Variants in COLGALT2 observed in about 807,000 individuals in gnomAD.
COLGALT2 encodes the protein collagen beta(1-O)galactosyltransferase 2.
Under a neutral mutation model 73.4 loss-of-function variants are expected in COLGALT2, and 49 were observed. The observed-to-expected ratio is 0.67, with a 90% CI of 0.53 to 0.85. The LOEUF (loss-of-function observed/expected upper bound fraction) is 0.85, where lower values mean the gene tolerates loss of function less well. Ranked by LOEUF, COLGALT2 falls within the 40% of genes least tolerant of loss-of-function variation. The pLI, the probability that COLGALT2 is intolerant of heterozygous loss-of-function variation, is 0.00. For synonymous variants in COLGALT2, 295 were observed against 307.6 expected, an observed-to-expected ratio of 0.96 and a Z score of 0.43; for missense variants, 722 against 790.2, an observed-to-expected ratio of 0.91 and a Z score of 1.03.
chr1:183,985,768 C>T (rs1247498134), intron 1 of COLGALT2, among the ~76,000 whole-genome samples: 1 of 152,098 alleles, frequency 6.6e-6, no homozygotes, highest in African/African-American at 2.4e-5. Context: ...AAATACATTC[C>T]CCAGAGGCTC....
At chr1:183,952,806 A>T (rs1377185578) in intron 7 of COLGALT2, among the ~76,000 whole-genome samples, 1 of 152,216 alleles carries the variant, frequency 6.6e-6, no homozygotes, top group Non-Finnish European at 1.5e-5. Flanking sequence ...TGTAAAAAAC[A>T]TAATTTTCTG....
chr1:184,030,689 A>C (rs765145503), intron 1 of COLGALT2, among the ~76,000 whole-genome samples: 7 of 152,204 alleles, frequency 4.6e-5, no homozygotes, highest in Non-Finnish European at 1.0e-4. Flanking sequence ...GCACATGCTT[A>C]TGTATTTGGA....
In COLGALT2 at chr1:183,945,552, T is replaced by C. The variant is rs199635432; in HGVS notation, c.1149A>G (p.Thr383=). ...VEAVDGKALN[T]SQLKALNIEM... The stretch of plus-strand genomic sequence containing the variant: ...CAATATTCAGTGCCTTCAGCTGGCT[T>C]GTGTTGAGTGCCCTGCATCACATAA... The change falls in exon 9 of 12, where the codon ACA becomes ACG. Residue 383 remains threonine, a synonymous_variant. Coordinates refer to ENST00000361927, the MANE Select transcript of COLGALT2 (RefSeq NM_015101.4). The C allele has an allele frequency of 2.5e-6, 4 of 1,614,158 alleles. No individual in the cohort carries two copies. In the African/African-American group the frequency reaches 5.3e-5, roughly 22 times the overall value.
intron 1 of COLGALT2, among the ~76,000 whole-genome samples, chr1:184,026,706 G>C (rs1173913010): frequency 6.6e-6 from 1 of 152,152 alleles, no homozygotes; most frequent in Non-Finnish European, 1.5e-5. Context: ...GTTTACATTT[G>C]TCACAAATGA....
intron 1 of COLGALT2, among the ~76,000 whole-genome samples, chr1:183,987,281 C>G (rs1278759491): frequency 3.9e-5 from 6 of 152,230 alleles, no homozygotes; most frequent in Non-Finnish European, 7.3e-5. Flanking sequence ...ACCCACTCAT[C>G]ATGGCCCCTT....
intron 1 of COLGALT2, among the ~76,000 whole-genome samples, chr1:184,023,531 G>T (rs112455626): frequency 0.022 from 3,314 of 151,352 alleles, 106 homozygotes; most frequent in African/African-American, 0.07. Flanking sequence ...TTACACAGCA[G>T]ACTGAGCAAA....
At chr1:183,954,473 A>G (rs975621495) in intron 7 of COLGALT2, among the ~76,000 whole-genome samples, 5 of 152,254 alleles carry the variant, frequency 3.3e-5, no homozygotes, top group African/African-American at 9.6e-5. Context: ...AAGGTTGATT[A>G]AAAATATCAC....
chr1:183,957,757 T>A (rs1359986484), intron 6 of COLGALT2, among the ~76,000 whole-genome samples: 1 of 151,426 alleles, frequency 6.6e-6, no homozygotes, highest in African/African-American at 2.4e-5. Flanking sequence ...CATGTAATTT[T>A]ATCTTCACTT....
chr1:184,018,325 C>T (rs1160123202), intron 1 of COLGALT2, among the ~76,000 whole-genome samples: 2 of 152,106 alleles, frequency 1.3e-5, no homozygotes, highest in African/African-American at 2.4e-5. Flanking sequence ...TGGAATACCA[C>T]CTCTTCCCAT....
At chr1:183,947,527 C>T (rs973270514) in intron 8 of COLGALT2, among the ~76,000 whole-genome samples, 3 of 152,040 alleles carry the variant, frequency 2.0e-5, no homozygotes, top group Non-Finnish European at 4.4e-5. Flanking sequence ...GAAGAAATTG[C>T]AAGGGAAATT....
At chr1:183,977,078 G>A (rs1671215817) in intron 2 of COLGALT2, among the ~76,000 whole-genome samples, 1 of 152,178 alleles carries the variant, frequency 6.6e-6, no homozygotes, top group Non-Finnish European at 1.5e-5. Flanking sequence ...AGTAAGTGAA[G>A]TATTTTTAAT....
In COLGALT2 at chr1:183,969,398, C is replaced by T; in HGVS notation, c.703G>A (p.Val235Ile). 1 of 1,613,864 alleles carries T rather than the reference C, an allele frequency of 6.2e-7. No individual in the cohort carries two copies. Among genetic ancestry groups the T allele is most frequent in the East Asian group, 2.2e-5 (1 of 44,866 alleles). ...KRTGCFPVPM[V>I]HSTFLIDLRK... ...AGGTCAATTAGGAAGGTGGAGTGGA[C>T]CATGGGGACGGGGAAGCAGCCTGTC... Residue 235 changes from valine to isoleucine, a missense_variant, in exon 5 of 12, where the codon GTC (valine) becomes ATC (isoleucine). By Grantham distance (29) the Val-to-Ile change is conservative. Coordinates refer to ENST00000361927, the MANE Select transcript of COLGALT2 (RefSeq NM_015101.4).
At chr1:183,966,219 A>G (rs10911473) in intron 5 of COLGALT2, among the ~76,000 whole-genome samples, 91,203 of 152,056 alleles carry the variant, frequency 0.6, 27,598 homozygotes, top group East Asian at 0.85. Flanking sequence ...AAGAAAATGT[A>G]TTAATAATTA....
At chr1:184,011,707 C>A (rs892195128) in intron 1 of COLGALT2, among the ~76,000 whole-genome samples, 7 of 152,212 alleles carry the variant, frequency 4.6e-5, no homozygotes, top group African/African-American at 9.6e-5. Context: ...TAGTTATAGT[C>A]AGTAGGCAGC....
chr1:183,945,867 G>A (rs1241806850), intron 8 of COLGALT2: 1 of 332,274 alleles, frequency 3.0e-6, no homozygotes, highest in Non-Finnish European at 5.5e-6. Flanking sequence ...TTAAAGTACT[G>A]CAATAATCCA....
chr1:183,971,186 C>A (rs867930078), intron 4 of COLGALT2, among the ~76,000 whole-genome samples: 3 of 152,164 alleles, frequency 2.0e-5, no homozygotes, highest in African/African-American at 7.2e-5. Flanking sequence ...ATTGGCCAGA[C>A]AACATCAAGG....
chr1:183,932,662 G>A (rs12091990), downstream of COLGALT2, among the ~76,000 whole-genome samples: 1,215 of 152,288 alleles, frequency 8.0e-3, 15 homozygotes, highest in African/African-American at 0.022. Flanking sequence ...GGCTCACAGA[G>A]ACGGGGATGT....
intron 1 of COLGALT2, among the ~76,000 whole-genome samples, chr1:184,034,262 G>A (rs992177199): frequency 1.3e-5 from 2 of 149,424 alleles, no homozygotes; most frequent in African/African-American, 2.5e-5. Flanking sequence ...GAAAACTCTG[G>A]TTGATGCCCT....
chr1:183,979,340 G>A (rs1671287930), intron 1 of COLGALT2, among the ~76,000 whole-genome samples: 3 of 152,110 alleles, frequency 2.0e-5, no homozygotes, highest in Admixed American at 1.3e-4. Flanking sequence ...GAAAGCAGGA[G>A]TTGTAATCCT....
Sources: gnomAD v4.1 joint callset for allele counts (sites outside exome capture counted in the v4.1 genomes callset) on GRCh38, gnomAD v4.1.1 for gene constraint, MANE v1.5 for transcripts, NCBI Gene and HGNC (gene_info 2026-07-23, HGNC 2026-07-21) for gene names.